Variants in PLXND1 observed in about 807,000 individuals in gnomAD.
The protein encoded by PLXND1 is plexin D1.
Under a neutral mutation model 197.7 loss-of-function variants are expected in PLXND1, and 54 were observed. The ratio of observed to expected loss-of-function variants is 0.27; its 90% CI spans 0.22 to 0.34. The LOEUF (loss-of-function observed/expected upper bound fraction) is 0.34, where lower values mean the gene tolerates loss of function less well. PLXND1 is among the 10% of genes least tolerant of loss of function. PLXND1 has a pLI of 1.00. For synonymous variants in PLXND1, 1,180 were observed against 1,161.2 expected (o/e 1.02, Z -0.33); for missense variants, 2,127 against 2,699.2 (o/e 0.79, Z 4.70).
chr3:129,583,577 G>C lies in PLXND1; in HGVS notation c.2231C>G (p.Pro744Arg), dbSNP rs1481564136. ...VSNQSRCEAS[P>R]NPTSPQDCPR... ...CCTAGCCTGGCTTACCGTGGGGTTT[G>C]GTGAGGCCTCGCACCGAGACTGGTT... The change falls in exon 8 of 36, where the codon CCA (proline) becomes CGA (arginine). Residue 744 changes from proline (P) to arginine (R), a missense_variant. Transcript: ENST00000324093. 4.3e-6 allele frequency: 7 copies of C among 1,612,300 alleles called. No homozygotes were observed. The highest frequency in any genetic ancestry group is 5.1e-6 in the Non-Finnish European group (6 of 1,178,662).
At position 129,605,463 on chromosome 3, in the gene PLXND1, A is replaced by T; in HGVS notation, c.1177T>A (p.Phe393Ile). 6.7e-7 allele frequency: 1 copy of T among 1,501,148 alleles called. No homozygotes were observed. Among genetic ancestry groups the T allele is most frequent in the South Asian group, 1.2e-5 (1 of 80,222 alleles). The allele number at this position is 1,501,148 out of a possible 1,614,324, so 93.0% of individuals were successfully genotyped here. A position where few individuals can be genotyped will look rare whatever the true frequency, so the allele number is the denominator to read the frequency against. ...CGGATGGCGGCTCGCACGTCGGCGA[A>T]GCGGAAGGCGCAGAGTGCGGCCGGA... Reference protein sequence around the residue: ...AAPAALCAFRFADVRAAIRAA... With the variant: ...AAPAALCAFRIADVRAAIRAA... Residue 393 changes from phenylalanine (F) to isoleucine (I), a missense_variant, in exon 1 of 36, where the codon TTC becomes ATC. Phe to Ile is a conservative substitution (Grantham distance 21, BLOSUM62 0). Transcript: ENST00000324093.
chr3:129,581,851 T>C (rs1162035130), intron 8 of PLXND1, among the ~76,000 whole-genome samples: 1 of 152,212 alleles, frequency 6.6e-6, no homozygotes. Flanking sequence ...CCTCCTCGCA[T>C]CCCCTAGGTT....
At position 129,563,369 on chromosome 3, in the gene PLXND1, ACT is replaced by A. The variant is rs1047694048; in HGVS notation, c.4522-131_4522-130del. ...TCTCCTTTTGGATCCTGGTGTCAAC[ACT>A]CTCCTCTCCAGGGTGTCTCCACGGA... On this transcript the variant is annotated intron_variant, in intron 25 of 35. Transcript: ENST00000324093. 10 of 700,116 alleles carry A rather than the reference ACT, an allele frequency of 1.4e-5. No homozygotes were observed. The African/African-American group carries it at 1.5e-4, about 10-fold the overall frequency. The allele number at this position is 700,116 out of a possible 1,614,324, so 43.4% of individuals were successfully genotyped here. A position where few individuals can be genotyped will look rare whatever the true frequency, so the allele number is the denominator to read the frequency against.
Position 129,575,850 on chromosome 3 carries a change from T to C in PLXND1, c.2352A>G (p.Ala784=). 1.2e-6 allele frequency: 2 copies of C among 1,608,948 alleles called. No individual in the cohort carries two copies. Among genetic ancestry groups the C allele is most frequent in the East Asian group, 2.2e-5 (1 of 44,772 alleles). The change falls in exon 10 of 36, where the codon GCA becomes GCG. Residue 784 remains alanine, a synonymous_variant. Coordinates refer to ENST00000324093, the MANE Select transcript of PLXND1 (RefSeq NM_015103.3). ...PLANTAFFQG[A]ALECSFGLEE... is the part of the protein sequence containing the mutation. The stretch of plus-strand genomic sequence containing the variant: ...CCAGCCCAAAACTACACTCCAGGGC[T>C]GCACCCTGTGGGAAACAGGGAGTGG...
intron 9 of PLXND1, among the ~76,000 whole-genome samples, chr3:129,576,151 C>A (rs1343472620): frequency 2.0e-5 from 3 of 152,236 alleles, no homozygotes; most frequent in African/African-American, 7.2e-5. Flanking sequence ...GTATTCAGCT[C>A]CTAAGGCTCC....
intron 35 of PLXND1, 84 bp from the exon 36 acceptor site, chr3:129,556,512 C>T (rs567592281): frequency 7.5e-7 from 1 of 1,340,458 alleles, no homozygotes; most frequent in Non-Finnish European, 1.1e-6. Flanking sequence ...TGAACGTCTA[C>T]CACGAGTGAC....
chr3:129,590,650 G>A (rs531042917), intron 1 of PLXND1, among the ~76,000 whole-genome samples: 3 of 152,328 alleles, frequency 2.0e-5, no homozygotes, highest in South Asian at 4.1e-4. Flanking sequence ...ACAATAAATA[G>A]TCACAACAGT....
In PLXND1 at chr3:129,569,912, C is replaced by G. The variant is rs148418284; in HGVS notation, c.3796G>C (p.Gly1266Arg). Residue 1266 changes from glycine to arginine, a missense_variant, in exon 20 of 36, where the codon GGG becomes CGG. Physicochemically the swap from Gly to Arg is moderately radical, Grantham distance 125. Transcript: ENST00000324093. Reference protein sequence around the residue: ...FNQTIATLQLGGSETAIIVSI... With the variant: ...FNQTIATLQLRGSETAIIVSI... ...ACGATGATGGCCGTCTCGCTGCCCCCCAGCTGCAGTGTGGCGATGGTCTGG... is the reference window on the plus strand; with the variant it reads ...ACGATGATGGCCGTCTCGCTGCCCCGCAGCTGCAGTGTGGCGATGGTCTGG... 6.2e-7 allele frequency: 1 copy of G among 1,613,406 alleles called. No homozygotes were observed. Among genetic ancestry groups the G allele is most frequent in the African/African-American group, 1.3e-5 (1 of 74,900 alleles).
chr3:129,559,419 C>T lies in PLXND1; in HGVS notation c.5297+201G>A. ...GGGCACTCTTCTAGTTAATTCCCAC[C>T]ATTAACATGGGTCGCATTTTACAGT... On this transcript the variant is annotated intron_variant, in intron 32 of 35. Transcript: ENST00000324093. 3 of 524,514 alleles carry T rather than the reference C, an allele frequency of 5.7e-6. No individual in the cohort carries two copies. The South Asian group carries it at 9.3e-5, about 16-fold the overall frequency. The allele number at this position is 524,514 out of a possible 1,614,324, so 32.5% of individuals were successfully genotyped here. A position where few individuals can be genotyped will look rare whatever the true frequency, so the allele number is the denominator to read the frequency against.
chr3:129,587,469 C>T (rs964691835), intron 2 of PLXND1, among the ~76,000 whole-genome samples: 18 of 152,310 alleles, frequency 1.2e-4, no homozygotes, highest in African/African-American at 3.9e-4. Context: ...ATGACAATAC[C>T]GGTCAGAGCC....
chr3:129,575,768 C>A lies in PLXND1; in HGVS notation c.2434G>T (p.Val812Leu). 5 of 1,610,558 alleles carry A rather than the reference C, an allele frequency of 3.1e-6. No individual in the cohort carries two copies. Among genetic ancestry groups the A allele is most frequent in the Non-Finnish European group, 3.4e-6 (4 of 1,176,872 alleles). The part of the protein sequence containing the change: ...NESVVRCDQV[V>L]LHTTRKSQVF... ...CATGCTGGAGTCACCCCACTCACCA[C>A]CACCTGGTCACAGCGTACAACAGAC... The change falls in exon 10 of 36, where the codon GTG (valine) becomes TTG (leucine). Residue 812 changes from valine to leucine, a missense_variant and splice_region_variant. Coordinates refer to ENST00000324093, the MANE Select transcript of PLXND1 (RefSeq NM_015103.3).
At chr3:129,566,038 G>A (rs199984391) in intron 23 of PLXND1, 21 bp from the exon 24 acceptor site, 1 of 1,613,754 alleles carries the variant, frequency 6.2e-7, no homozygotes, top group Admixed American at 1.7e-5. Context: ...AACTGGTGAT[G>A]GGGTGTCCAG....
chr3:129,563,565 G>A (rs1298511530), intron 25 of PLXND1, among the ~76,000 whole-genome samples: 4 of 152,268 alleles, frequency 2.6e-5, no homozygotes, highest in Admixed American at 1.3e-4. Context: ...GGAAGCGGCA[G>A]GGCAGGAATC....
intron 25 of PLXND1, among the ~76,000 whole-genome samples, chr3:129,563,937 C>T (rs1186683926): frequency 1.3e-5 from 2 of 152,254 alleles, no homozygotes; most frequent in African/African-American, 2.4e-5. Flanking sequence ...CGAAGGCAGC[C>T]TGCCAGCCCA....
In PLXND1 at chr3:129,577,747, G is replaced by A. The variant is rs899596904; in HGVS notation, c.2346+582C>T. On this transcript the variant is annotated intron_variant, in intron 9 of 35. Transcript: ENST00000324093. The surrounding 1 kb of genome is among the most constrained non-coding windows in gnomAD (Gnocchi z 5.0). ...CCCAACCCCCAGCCCAGATGGTGGGGGCGGGGCTAGTTGCAAAGACGAGCA... is the reference window on the plus strand; with the variant it reads ...CCCAACCCCCAGCCCAGATGGTGGGAGCGGGGCTAGTTGCAAAGACGAGCA... 7.2e-5 allele frequency among the ~76,000 whole-genome samples: 11 copies of A among 152,228 alleles called. No individual in the cohort carries two copies. Among genetic ancestry groups the A allele is most frequent in the African/African-American group, 2.4e-4 (10 of 41,456 alleles).
rs139286065 is a variant in PLXND1, at chr3:129,605,860, G to C, written c.780C>G (p.Ser260=). Residue 260 remains serine (S), a synonymous_variant, in exon 1 of 36, where the codon TCC becomes TCG. Transcript: ENST00000324093. ...GCTTGATCTTGAGGATGTTGTCGTC[G>C]GAGGGGTTGAGGTCGAAGGTGAAGA... ...AKLFTFDLNP[S]DDNILKIKQG... is the part of the protein sequence containing the mutation. 2.2e-3 allele frequency: 3,512 copies of C among 1,613,544 alleles called. 5 individuals carry two copies. The highest frequency in any genetic ancestry group is 2.7e-3 in the Non-Finnish European group (3,132 of 1,179,862).
chr3:129,562,121 G>A (rs1400642829), intron 27 of PLXND1, among the ~76,000 whole-genome samples: 1 of 152,154 alleles, frequency 6.6e-6, no homozygotes. Context: ...GTGCCAGGGT[G>A]GAGGGCACAG....
At chr3:129,578,564 A>G in intron 8 of PLXND1, 131 bp from the exon 9 acceptor site, 1 of 619,308 alleles carries the variant, frequency 1.6e-6, no homozygotes, top group Non-Finnish European at 2.9e-6. Flanking sequence ...TTCAGTCCTA[A>G]CGGCCACCAG....
Position 129,561,921 on chromosome 3 carries a change from G to C in PLXND1, c.4826-18C>G. 1 of 1,579,292 alleles carries C rather than the reference G, an allele frequency of 6.3e-7. No homozygotes were observed. The highest frequency in any genetic ancestry group is 2.2e-5 in the East Asian group (1 of 44,708). On this transcript the variant is annotated intron_variant, in intron 27 of 35. Transcript: ENST00000324093. ...GAACCACTCTGGGGGACAAGGGACA[G>C]GCCATCAGGGTCCGGGCAGGGAGCT...
Sources: allele counts gnomAD v4.1 joint callset (sites outside exome capture counted in the v4.1 genomes callset), GRCh38; gene constraint gnomAD v4.1.1; non-coding constraint Gnocchi (gnomAD v3.1); transcripts MANE v1.5; gene names NCBI Gene and HGNC (gene_info 2026-07-23, HGNC 2026-07-21).